The following DOCK10 variants were observed in gnomAD, a reference collection of about 807,000 sequenced individuals.
DOCK10 encodes the protein dedicator of cytokinesis 10, also known as dedicator of cytokinesis protein 10.
A neutral mutation model predicts 280.1 loss-of-function variants in DOCK10; 145 were observed. That is an observed-to-expected ratio of 0.52 (90% CI 0.45 to 0.59). The LOEUF (loss-of-function observed/expected upper bound fraction) is 0.59, where lower values mean the gene tolerates loss of function less well. Ranked by LOEUF, DOCK10 falls within the 20% of genes least tolerant of loss-of-function variation. The pLI is 0.00. For synonymous variants in DOCK10, 915 were observed against 942.2 expected, an observed-to-expected ratio of 0.97 and a Z score of 0.53; for missense variants, 2,368 against 2,651.7, an observed-to-expected ratio of 0.89 and a Z score of 2.35.
At chr2:224,804,024 G>T in intron 39 of DOCK10, 88 bp downstream of exon 39, 1 of 671,086 alleles carries the variant, frequency 1.5e-6, no homozygotes, top group African/African-American at 1.8e-5. Context: ...GTGTGTGTGT[G>T]TGTGTGTGTC....
chr2:224,918,435 C>T (rs4674949), intron 2 of DOCK10, among the ~76,000 whole-genome samples: 34,828 of 146,198 alleles, frequency 0.24, 4,427 homozygotes, highest in Non-Finnish European at 0.29. Flanking sequence ...TGCGTGTGTT[C>T]GTATGGTGTG....
At chr2:225,018,436 G>T (rs1575168169) in intron 1 of DOCK10, among the ~76,000 whole-genome samples, 1 of 149,754 alleles carries the variant, frequency 6.7e-6, no homozygotes, top group South Asian at 2.1e-4. Flanking sequence ...AAGGCAACAA[G>T]TTGCAGATAA....
At chr2:224,853,734 C>T (rs909909163) in intron 16 of DOCK10, among the ~76,000 whole-genome samples, 1 of 152,126 alleles carries the variant, frequency 6.6e-6, no homozygotes, top group Middle Eastern at 3.2e-3. Flanking sequence ...ATTTATAAAT[C>T]AAAACTTCTG....
chr2:224,838,703 GC>G (rs1343182187), intron 24 of DOCK10, among the ~76,000 whole-genome samples: 5 of 151,896 alleles, frequency 3.3e-5, no homozygotes, highest in African/African-American at 1.2e-4. Flanking sequence ...ACATTTCAAT[GC>G]CAAAAGTAAC....
intron 1 of DOCK10, among the ~76,000 whole-genome samples, chr2:224,956,301 T>C (rs900126684): frequency 6.6e-6 from 1 of 152,082 alleles, no homozygotes; most frequent in Non-Finnish European, 1.5e-5. Context: ...TAGCTCTCAT[T>C]TGGGGGGTTT....
intron 3 of DOCK10, among the ~76,000 whole-genome samples, chr2:224,904,551 G>A (rs1452122352): frequency 6.6e-6 from 1 of 152,138 alleles, no homozygotes; most frequent in African/African-American, 2.4e-5. Flanking sequence ...CACTAACTGT[G>A]CTCTGGTCTA....
At chr2:224,942,733 T>C (rs1489924003) in intron 1 of DOCK10, among the ~76,000 whole-genome samples, 1 of 152,226 alleles carries the variant, frequency 6.6e-6, no homozygotes, top group Non-Finnish European at 1.5e-5. Context: ...GATTATATCC[T>C]CTACTTATAG....
chr2:225,021,900 G>C (rs1689792644), intron 1 of DOCK10, among the ~76,000 whole-genome samples: 2 of 152,154 alleles, frequency 1.3e-5, no homozygotes, highest in East Asian at 3.8e-4. Context: ...ATATAACTAA[G>C]ATGGGACCCA....
chr2:225,008,616 C>T (rs1053903899), intron 1 of DOCK10, among the ~76,000 whole-genome samples: 2 of 152,112 alleles, frequency 1.3e-5, no homozygotes, highest in African/African-American at 4.8e-5. Flanking sequence ...CCAAACTGTA[C>T]AGAACTACTG....
At chr2:224,851,970 C>A (rs1696773538) in intron 18 of DOCK10, among the ~76,000 whole-genome samples, 1 of 152,014 alleles carries the variant, frequency 6.6e-6, no homozygotes, top group Non-Finnish European at 1.5e-5. Context: ...ATGTGAGCAT[C>A]CCACGGGTCC....
At chr2:224,795,453 A>G (rs1251310076) in intron 44 of DOCK10, among the ~76,000 whole-genome samples, 1 of 152,168 alleles carries the variant, frequency 6.6e-6, no homozygotes, top group Admixed American at 6.5e-5. Flanking sequence ...GGCCAATTCT[A>G]TTTTTTGATC....
intron 1 of DOCK10, among the ~76,000 whole-genome samples, chr2:224,980,005 C>T (rs1285520217): frequency 1.3e-5 from 2 of 150,798 alleles, no homozygotes; most frequent in Non-Finnish European, 2.9e-5. Flanking sequence ...GACTAATGGG[C>T]AGTGGGAAAG....
At chr2:225,014,689 T>C (rs1689544899) in intron 1 of DOCK10, among the ~76,000 whole-genome samples, 1 of 152,162 alleles carries the variant, frequency 6.6e-6, no homozygotes, top group Non-Finnish European at 1.5e-5. Flanking sequence ...TTAGTTTTAA[T>C]ATGGCTAAAT....
At chr2:224,849,837 C>T (rs982016423) in intron 18 of DOCK10, among the ~76,000 whole-genome samples, 16 of 152,138 alleles carry the variant, frequency 1.1e-4, no homozygotes, top group African/African-American at 3.1e-4. Flanking sequence ...ATAGTTAATA[C>T]GCCAGGGCCA....
At chr2:224,810,436 G>A (rs994438581) in intron 31 of DOCK10, among the ~76,000 whole-genome samples, 16 of 151,888 alleles carry the variant, frequency 1.1e-4, no homozygotes, top group Admixed American at 4.6e-4. Context: ...AGTAAGAATC[G>A]TTAATAATAC....
chr2:224,784,070 G>C (rs1170609980), intron 50 of DOCK10, among the ~76,000 whole-genome samples: 1 of 152,092 alleles, frequency 6.6e-6, no homozygotes, highest in Non-Finnish European at 1.5e-5. Context: ...GGTACTGGCA[G>C]GTTATTTTGG....
chr2:225,017,322 G>A (rs1689637930), intron 1 of DOCK10, among the ~76,000 whole-genome samples: 1 of 151,996 alleles, frequency 6.6e-6, no homozygotes, highest in Non-Finnish European at 1.5e-5. Flanking sequence ...TTAGAGGCAG[G>A]AGCACATCCC....
chr2:224,924,174 G>C (rs1035258189), intron 2 of DOCK10, among the ~76,000 whole-genome samples: 1 of 152,026 alleles, frequency 6.6e-6, no homozygotes, highest in Non-Finnish European at 1.5e-5. Context: ...CACATAGAAT[G>C]GCTTTTTAAA....
In DOCK10 at chr2:224,953,257, T is replaced by C. The variant is rs1300848019; in HGVS notation, c.124-21589A>G. 4.6e-5 allele frequency among the ~76,000 whole-genome samples: 7 copies of C among 152,376 alleles called. No homozygotes were observed. The South Asian group carries it at 1.0e-3, about 23-fold the overall frequency. On this transcript the variant is annotated intron_variant, in intron 1 of 55. Transcript: ENST00000258390. ...GAGCTTTTTGGCATTTGCCATTGAT[T>C]ACTTCTTCATTATCGCAGAATGCTT...
Sources: allele counts gnomAD v4.1 joint callset (sites outside exome capture counted in the v4.1 genomes callset), GRCh38; gene constraint gnomAD v4.1.1; transcripts MANE v1.5; gene names NCBI Gene and HGNC (gene_info 2026-07-23, HGNC 2026-07-21).